ASTN2: variants seen among roughly 807,000 people sequenced by gnomAD.
The protein encoded by ASTN2 is astrotactin-2.
A neutral mutation model predicts 139.8 loss-of-function variants in ASTN2; 54 were observed. That is an observed-to-expected ratio of 0.39 (90% confidence interval 0.31 to 0.48). The LOEUF is 0.48. ASTN2 is among the 20% of genes least tolerant of loss of function. ASTN2 has a pLI of 0.95. For missense variants in ASTN2, 1,565 were observed against 1,725.1 expected (o/e 0.91, Z 1.64); for synonymous variants, 756 against 719.5 (o/e 1.05, Z -0.81).
At chr9:116,903,692 G>C (rs113991580) in intron 10 of ASTN2, among the ~76,000 whole-genome samples, 3,600 of 152,286 alleles carry the variant, frequency 0.024, 57 homozygotes, top group Middle Eastern at 0.1. Flanking sequence ...GACTAAATGA[G>C]ATGATATAGG....
intron 10 of ASTN2, among the ~76,000 whole-genome samples, chr9:116,876,676 G>A (rs1161029249): frequency 6.6e-6 from 1 of 152,168 alleles, no homozygotes; most frequent in African/African-American, 2.4e-5. Flanking sequence ...CAACACTGAA[G>A]CAATACCCTG....
chr9:116,791,033 A>G (rs1230500147), intron 13 of ASTN2, among the ~76,000 whole-genome samples: 4 of 105,804 alleles, frequency 3.8e-5, no homozygotes, highest in African/African-American at 1.3e-4. Flanking sequence ...GAAAGAAAGA[A>G]AGAAAGAAAG....
intron 5 of ASTN2, among the ~76,000 whole-genome samples, chr9:117,049,997 G>A (rs76119923): frequency 0.033 from 5,068 of 152,112 alleles, 190 homozygotes; most frequent in Admixed American, 0.1. Flanking sequence ...AGGTGGTGGG[G>A]GGTTTCTGAT....
intron 10 of ASTN2, among the ~76,000 whole-genome samples, chr9:116,884,763 A>G (rs919690895): frequency 6.8e-6 from 1 of 147,224 alleles, no homozygotes; most frequent in African/African-American, 2.6e-5. Flanking sequence ...TGATGTCTGT[A>G]TGACATTCTC....
chr9:116,453,826 A>G (rs1848248715), intron 20 of ASTN2, among the ~76,000 whole-genome samples: 1 of 152,174 alleles, frequency 6.6e-6, no homozygotes, highest in African/African-American at 2.4e-5. Context: ...AGCATGTATA[A>G]GCAAATCATG....
intron 19 of ASTN2, among the ~76,000 whole-genome samples, chr9:116,608,305 C>G (rs932215278): frequency 1.8e-4 from 27 of 152,020 alleles, no homozygotes; most frequent in African/African-American, 6.5e-4. Context: ...GAGAAATCTC[C>G]CAAAACAAAG....
At chr9:116,564,941 T>A (rs1309016380) in intron 19 of ASTN2, among the ~76,000 whole-genome samples, 1 of 152,140 alleles carries the variant, frequency 6.6e-6, no homozygotes, top group African/African-American at 2.4e-5. Flanking sequence ...AGAAATCACT[T>A]AACTCCTCTA....
intron 17 of ASTN2, among the ~76,000 whole-genome samples, chr9:116,641,540 T>C (rs929562470): frequency 6.6e-6 from 1 of 152,178 alleles, no homozygotes; most frequent in Non-Finnish European, 1.5e-5. Flanking sequence ...CCTGGCACCA[T>C]GGAAGTGCTC....
intron 5 of ASTN2, among the ~76,000 whole-genome samples, chr9:117,058,036 A>T (rs114161903): frequency 0.011 from 1,717 of 152,292 alleles, 35 homozygotes; most frequent in African/African-American, 0.04. Flanking sequence ...TGTAAAGTTT[A>T]TTTAGCAAAG....
At chr9:117,240,804 C>T (rs1400032914) in intron 2 of ASTN2, among the ~76,000 whole-genome samples, 1 of 152,206 alleles carries the variant, frequency 6.6e-6, no homozygotes, top group Non-Finnish European at 1.5e-5. Context: ...CCCAGACTCA[C>T]ATAGCATATG....
At chr9:117,075,004 C>G (rs1298382669) in intron 5 of ASTN2, among the ~76,000 whole-genome samples, 1 of 152,204 alleles carries the variant, frequency 6.6e-6, no homozygotes, top group Non-Finnish European at 1.5e-5. Flanking sequence ...ACCTCACCCA[C>G]TGTCAGGCTA....
chr9:116,504,854 C>T (rs1452673207), intron 19 of ASTN2, among the ~76,000 whole-genome samples: 1 of 139,322 alleles, frequency 7.2e-6, no homozygotes, highest in Non-Finnish European at 1.5e-5. Flanking sequence ...CAAGATAGTA[C>T]CACTGCCCTC....
At chr9:117,257,199 G>A (rs748143535) in intron 2 of ASTN2, among the ~76,000 whole-genome samples, 9 of 152,142 alleles carry the variant, frequency 5.9e-5, no homozygotes, top group Non-Finnish European at 1.3e-4. Flanking sequence ...TGCTGGTCCT[G>A]ATTCATTAAA....
At chr9:116,938,871 G>T (rs1835151125) in intron 10 of ASTN2, among the ~76,000 whole-genome samples, 1 of 152,114 alleles carries the variant, frequency 6.6e-6, no homozygotes, top group South Asian at 2.1e-4. Context: ...TGCCCTCCTT[G>T]TTTCTCTAGG....
intron 10 of ASTN2, among the ~76,000 whole-genome samples, chr9:116,951,413 C>G (rs1170906615): frequency 1.4e-5 from 2 of 144,648 alleles, no homozygotes; most frequent in African/African-American, 5.1e-5. Context: ...ATCTCTCACA[C>G]AGCATCATCA....
chr9:116,996,537 T>A (rs1837021377), intron 7 of ASTN2, among the ~76,000 whole-genome samples: 2 of 152,092 alleles, frequency 1.3e-5, no homozygotes, highest in South Asian at 4.2e-4. Context: ...GGAAGTGACA[T>A]TTTAAGTTGA....
chr9:116,459,807 T>C (rs1269161922), intron 20 of ASTN2, among the ~76,000 whole-genome samples: 1 of 152,042 alleles, frequency 6.6e-6, no homozygotes, highest in Non-Finnish European at 1.5e-5. Flanking sequence ...GTGGTGGAAA[T>C]GCAGAACGGT....
chr9:116,737,387 A>G (rs937457202), intron 13 of ASTN2, among the ~76,000 whole-genome samples: 7 of 152,286 alleles, frequency 4.6e-5, no homozygotes, highest in African/African-American at 1.7e-4. Context: ...AGAGGCGACC[A>G]GGGAGCTGGC....
chr9:116,986,160 G>GCCTCCCCC (rs1836672706), intron 7 of ASTN2, among the ~76,000 whole-genome samples: 1 of 131,824 alleles, frequency 7.6e-6, no homozygotes, highest in African/African-American at 3.2e-5. Context: ...TGTCCAGGCT[G>GCCTCCCCC]CCCCCCCCCA....
Sources: gnomAD v4.1 joint callset for allele counts (sites outside exome capture counted in the v4.1 genomes callset) on GRCh38, gnomAD v4.1.1 for gene constraint, MANE v1.5 for transcripts, NCBI Gene and HGNC (gene_info 2026-07-23, HGNC 2026-07-21) for gene names.